The following KCNT1 variants were observed in gnomAD, a reference collection of about 807,000 sequenced individuals.
The protein encoded by KCNT1 is potassium channel subfamily T member 1.
Under a neutral mutation model 147.8 loss-of-function variants are expected in KCNT1, and 78 were observed. The observed-to-expected ratio is 0.53, with a 90% confidence interval of 0.44 to 0.64. The LOEUF is 0.64. KCNT1 is among the 30% of genes least tolerant of loss of function. KCNT1 has a pLI of 0.00. For synonymous variants in KCNT1, 867 were observed against 748.8 expected, an observed-to-expected ratio of 1.16 and a Z score of -2.58; for missense variants, 1,419 against 1,750.3, an observed-to-expected ratio of 0.81 and a Z score of 3.38.
At chr9:135,763,856 C>T (rs1052956019) in intron 11 of KCNT1, among the ~76,000 whole-genome samples, 1 of 152,140 alleles carries the variant, frequency 6.6e-6, no homozygotes, top group South Asian at 2.1e-4. Flanking sequence ...GGAGGGTTGC[C>T]GTGCCATGCA....
At chr9:135,774,870 G>GGCA (rs1833053335) in intron 19 of KCNT1, among the ~76,000 whole-genome samples, 1 of 152,132 alleles carries the variant, frequency 6.6e-6, no homozygotes, top group African/African-American at 2.4e-5. Context: ...CCTGGGTGAG[G>GGCA]GCAGCAGCAG....
At chr9:135,751,319 G>A (rs959220195) in intron 4 of KCNT1, among the ~76,000 whole-genome samples, 39 of 152,030 alleles carry the variant, frequency 2.6e-4, no homozygotes, top group African/African-American at 8.9e-4. Context: ...GGAAAGGCTG[G>A]AGCATCTAGG....
At position 135,771,083 on chromosome 9, in the gene KCNT1, A is replaced by T. The variant is rs376231681; in HGVS notation, c.1996A>T (p.Ile666Phe). 51 of 1,610,996 alleles carry T rather than the reference A, an allele frequency of 3.2e-5. No homozygotes were observed. Among genetic ancestry groups the T allele is most frequent in the Non-Finnish European group, 3.9e-5 (46 of 1,178,828 alleles). The stretch of plus-strand genomic sequence containing the variant: ...GGCCCGCCTGCCCGTGCACAGCATC[A>T]TCGCCTCCATGGGTGAGCCGGGACA... ...GPARLPVHSIIASMGTVAMDL... is the reference protein window; with the variant it reads ...GPARLPVHSIFASMGTVAMDL... The change falls in exon 18 of 31, where the codon ATC becomes TTC. Residue 666 changes from isoleucine to phenylalanine, a missense_variant. By Grantham distance (21) the Ile-to-Phe change is conservative (BLOSUM62 0). Around this residue, in one of 5 missense-constraint regions of KCNT1, gnomAD observed 284 missense variants for 292.8 expected, o/e 0.97. Transcript: ENST00000371757.
At chr9:135,768,586 C>T (rs750746259) in intron 13 of KCNT1, 24 bp from the exon 14 acceptor site, 46 of 1,547,536 alleles carry the variant, frequency 3.0e-5, no homozygotes, top group Middle Eastern at 3.3e-4. Flanking sequence ...GCTCCACCCA[C>T]GCTCAGGCCC....
rs565506288 is a variant in KCNT1, at chr9:135,757,312, G to A, written c.690G>A (p.Pro230=). 27 of 1,612,148 alleles carry A rather than the reference G, an allele frequency of 1.7e-5. No homozygotes were observed. The highest frequency in any genetic ancestry group is 9.3e-5 in the African/African-American group (7 of 74,946). Residue 230 remains proline, a synonymous_variant, in exon 9 of 31, where the codon CCG becomes CCA. Coordinates refer to ENST00000371757, the MANE Select transcript of KCNT1 (RefSeq NM_020822.3). ...LPFIITIFWP[P]LRNLFIPVFL... ...CCCCTTCACAGATCTTCTGGCCGCC[G>A]CTGCGGAACCTGTTCATCCCCGTCT...
At chr9:135,721,827 C>A (rs949718601) in intron 2 of KCNT1, among the ~76,000 whole-genome samples, 1 of 152,228 alleles carries the variant, frequency 6.6e-6, no homozygotes, top group Non-Finnish European at 1.5e-5. Flanking sequence ...CAGGCCTGCT[C>A]GCCCTTGTCT....
In KCNT1 at chr9:135,770,281, C is replaced by T. The variant is rs376069264; in HGVS notation, c.1620-17C>T. ...TGGCCGAGGGTGACGCTCCCCTGGC[C>T]CCGCCCTGGCCCACAGGGAGGGACA... On this transcript the variant is annotated splice_polypyrimidine_tract_variant and intron_variant, in intron 16 of 30. Transcript: ENST00000371757. 4.7e-5 allele frequency: 74 copies of T among 1,577,078 alleles called. No homozygotes were observed. The African/African-American group carries it at 9.0e-4, about 19-fold the overall frequency.
intron 2 of KCNT1, among the ~76,000 whole-genome samples, chr9:135,734,303 C>T (rs77406239): frequency 0.016 from 2,452 of 152,300 alleles, 79 homozygotes; most frequent in East Asian, 0.11. Context: ...CCTTCCCCTC[C>T]GTGCCTGGCT....
intron 23 of KCNT1, among the ~76,000 whole-genome samples, 180 bp from the exon 24 acceptor site, chr9:135,779,179 C>A (rs1402827362): frequency 6.7e-6 from 1 of 150,076 alleles, no homozygotes; most frequent in African/African-American, 2.5e-5. Context: ...TGAGACCCCC[C>A]ACAGCCGTGG....
chr9:135,792,135 G>A lies in KCNT1; in HGVS notation c.3682G>A (p.Glu1228Lys), dbSNP rs144679713. 1.4e-4 allele frequency: 222 copies of A among 1,606,006 alleles called. No homozygotes were observed. In the African/African-American group the frequency reaches 1.4e-3, roughly 10 times the overall value. The stretch of plus-strand genomic sequence containing the variant: ...CCACAAGCTGTCGTCCTGCAACCCC[G>A]AGACTCGCGACGAGACACAGCTCTG... Reference protein sequence around the residue: ...CSHKLSSCNPETRDETQL With the variant: ...CSHKLSSCNPKTRDETQL Residue 1228 changes from glutamate (E) to lysine (K), a missense_variant, in exon 31 of 31, where the codon GAG (glutamate) becomes AAG (lysine). Glu to Lys is a moderately conservative substitution (Grantham distance 56). Around this residue, in one of 5 missense-constraint regions of KCNT1, gnomAD observed 306 missense variants for 294.2 expected, o/e 1.04. Coordinates refer to ENST00000371757, the MANE Select transcript of KCNT1 (RefSeq NM_020822.3).
chr9:135,785,396 G>T, intron 28 of KCNT1, 66 bp downstream of exon 28: 1 of 1,586,674 alleles, frequency 6.3e-7, no homozygotes, highest in Non-Finnish European at 8.6e-7. Context: ...TTCACATGGA[G>T]AAGCCTGCCA....
In KCNT1 at chr9:135,787,967, G is replaced by A. The variant is rs372398796; in HGVS notation, c.3502+1446G>A. On this transcript the variant is annotated intron_variant, in intron 29 of 30. Coordinates refer to ENST00000371757, the MANE Select transcript of KCNT1 (RefSeq NM_020822.3). ...AGGAGCAACTGCCTTTCTGGTGACC[G>A]ACTCGCTTCTGGTGGCCGGCCTCCC... 701 of 709,312 alleles carry A rather than the reference G, an allele frequency of 9.9e-4. 9 individuals are homozygous for A. The highest frequency in any genetic ancestry group is 9.0e-3 in the South Asian group (599 of 66,508). 43.9% of individuals were successfully genotyped at this position (709,312 alleles called of 1,614,324 possible). A position where few individuals can be genotyped will look rare whatever the true frequency, so the allele number is the denominator to read the frequency against.
intron 11 of KCNT1, among the ~76,000 whole-genome samples, chr9:135,760,811 C>G (rs546407126): frequency 4.8e-4 from 73 of 152,366 alleles, no homozygotes; most frequent in Non-Finnish European, 8.5e-4. Flanking sequence ...CCGTGCGCGT[C>G]TTTCCATCTG....
At chr9:135,704,632 T>G (rs993280223) in intron 1 of KCNT1, among the ~76,000 whole-genome samples, 3 of 152,200 alleles carry the variant, frequency 2.0e-5, no homozygotes, top group Admixed American at 1.3e-4. Flanking sequence ...GCACTTCGCA[T>G]CAGAGCCCCT....
At chr9:135,777,626 C>T in intron 21 of KCNT1, 116 bp downstream of exon 21, 5 of 970,822 alleles carry the variant, frequency 5.2e-6, no homozygotes, top group African/African-American at 1.6e-5. Context: ...AACATGGGGC[C>T]TCTGGCCTGG....
At chr9:135,768,714 G>A (rs552081843) in intron 14 of KCNT1, 41 bp downstream of exon 14, 35 of 1,538,992 alleles carry the variant, frequency 2.3e-5, no homozygotes, top group East Asian at 7.4e-5. Flanking sequence ...GAGGGGCACC[G>A]TGGGGCCGGG....
intron 13 of KCNT1, among the ~76,000 whole-genome samples, chr9:135,768,242 G>GGC (rs1267160224): frequency 4.0e-5 from 1 of 25,086 alleles, no homozygotes; most frequent in Non-Finnish European, 1.1e-4. Flanking sequence ...GATGCCTGCG[G>GGC]GGGGGGGGGG....
At position 135,792,029 on chromosome 9, in the gene KCNT1, G is replaced by A. The variant is rs2131605784; in HGVS notation, c.3588-12G>A. ...CCACATCCACTCCAGGGTCCTCTGTGCCCTCCCGCAGCTATCTCATCCGCT... is the reference window on the plus strand; with the variant it reads ...CCACATCCACTCCAGGGTCCTCTGTACCCTCCCGCAGCTATCTCATCCGCT... On this transcript the variant is annotated splice_polypyrimidine_tract_variant and intron_variant, in intron 30 of 30. Transcript: ENST00000371757. 7 of 1,603,516 alleles carry A rather than the reference G, an allele frequency of 4.4e-6. No homozygotes were observed. Among genetic ancestry groups the A allele is most frequent in the Non-Finnish European group, 5.1e-6 (6 of 1,179,020 alleles).
rs539887768 is a variant in KCNT1 at position 135,730,103 on chromosome 9, T to TC, written c.254+15383_254+15384insC. On this transcript the variant is annotated intron_variant, in intron 2 of 30. Coordinates refer to ENST00000371757, the MANE Select transcript of KCNT1 (RefSeq NM_020822.3). This position sits in a 1 kb window ranked among gnomAD's most constrained non-coding sequence, Gnocchi z 4.7. ...GCTGATCCTTCATCCATGGGAGCTG[T>TC]GCACCCCCAAATATAATTCCTGCTG... 9.4e-4 allele frequency among the ~76,000 whole-genome samples: 143 copies of TC among 152,314 alleles called. 1 individual carries two copies. Among genetic ancestry groups the TC allele is most frequent in the Admixed American group, 6.1e-3 (93 of 15,300 alleles).
Sources: allele counts gnomAD v4.1 joint callset (sites outside exome capture counted in the v4.1 genomes callset), GRCh38; gene constraint gnomAD v4.1.1; regional missense constraint gnomAD v4.1.1; non-coding constraint Gnocchi (gnomAD v3.1); transcripts MANE v1.5; gene names NCBI Gene and HGNC (gene_info 2026-07-23, HGNC 2026-07-21).